TCF12: variants seen among roughly 807,000 people sequenced by gnomAD.
The protein encoded by TCF12 is DNA-binding protein HTF4.
Under a neutral mutation model 86.0 loss-of-function variants are expected in TCF12, and 45 were observed. The ratio of observed to expected loss-of-function variants is 0.52; its 90% CI spans 0.41 to 0.67. The LOEUF (loss-of-function observed/expected upper bound fraction) is 0.67. Ranked by LOEUF, TCF12 falls within the 30% of genes least tolerant of loss-of-function variation. The pLI is 0.00. For synonymous variants in TCF12, 330 were observed against 299.6 expected, an observed-to-expected ratio of 1.10 and a Z score of -1.05; for missense variants, 881 against 859.9, an observed-to-expected ratio of 1.02 and a Z score of -0.31.
At chr15:57,104,087 G>A (rs567333384) in intron 5 of TCF12, among the ~76,000 whole-genome samples, 37 of 152,282 alleles carry the variant, frequency 2.4e-4, no homozygotes, top group African/African-American at 8.9e-4. Context: ...TGGAAAGGCA[G>A]AGTAATGTAT....
chr15:57,257,732 G>T (rs1240691753), intron 16 of TCF12, among the ~76,000 whole-genome samples: 1 of 150,794 alleles, frequency 6.6e-6, no homozygotes, highest in South Asian at 2.1e-4. Context: ...CTCCCAGCCT[G>T]CAGTACGGAC....
At chr15:57,089,967 C>T (rs1309673655) in intron 4 of TCF12, among the ~76,000 whole-genome samples, 3 of 152,132 alleles carry the variant, frequency 2.0e-5, no homozygotes, top group African/African-American at 4.8e-5. Flanking sequence ...GTAATTCCAG[C>T]GCTTTGGGAG....
intron 11 of TCF12, 88 bp downstream of exon 11, chr15:57,232,944 T>C: frequency 1.2e-6 from 1 of 869,014 alleles, no homozygotes; most frequent in Non-Finnish European, 1.5e-6. Flanking sequence ...GTATGTTTTA[T>C]ATATATAAAT....
downstream of TCF12, among the ~76,000 whole-genome samples, chr15:57,290,341 C>CT (rs1555423573): frequency 9.7e-6 from 1 of 103,092 alleles, no homozygotes; most frequent in Non-Finnish European, 2.0e-5. Flanking sequence ...AAAACTGTCT[C>CT]AAAAAAAAAA....
At chr15:57,000,950 T>G (rs746235080) in intron 3 of TCF12, among the ~76,000 whole-genome samples, 12 of 151,814 alleles carry the variant, frequency 7.9e-5, no homozygotes, top group Non-Finnish European at 1.6e-4. Flanking sequence ...TAGAAATAAA[T>G]TTTGCCTTTT....
chr15:57,155,310 A>G (rs1246069426), intron 5 of TCF12, among the ~76,000 whole-genome samples: 1 of 152,184 alleles, frequency 6.6e-6, no homozygotes, highest in African/African-American at 2.4e-5. Context: ...ATGAGTTAAT[A>G]TGTAAGATTT....
chr15:57,030,255 T>C (rs527944785), intron 3 of TCF12, among the ~76,000 whole-genome samples: 1 of 152,276 alleles, frequency 6.6e-6, no homozygotes, highest in East Asian at 1.9e-4. Flanking sequence ...AATTGATTAA[T>C]TGAATCATGG....
intron 18 of TCF12, among the ~76,000 whole-genome samples, chr15:57,267,127 A>G (rs1429831811): frequency 6.6e-6 from 1 of 152,238 alleles, no homozygotes; most frequent in Non-Finnish European, 1.5e-5. Flanking sequence ...TATCAATGAT[A>G]TGTGTATATA....
At chr15:57,201,315 G>C (rs998656874) in intron 8 of TCF12, among the ~76,000 whole-genome samples, 23 of 152,072 alleles carry the variant, frequency 1.5e-4, no homozygotes, top group Non-Finnish European at 3.4e-4. Context: ...GTGTGTACCA[G>C]GTGCTCTGGT....
intron 5 of TCF12, among the ~76,000 whole-genome samples, chr15:57,136,173 C>T (rs1217217734): frequency 6.6e-6 from 1 of 152,146 alleles, no homozygotes; most frequent in Admixed American, 6.5e-5. Context: ...TCTCTGAGCA[C>T]AGTAGATAAA....
chr15:57,025,375 C>T (rs2065764619), intron 3 of TCF12, among the ~76,000 whole-genome samples: 1 of 152,198 alleles, frequency 6.6e-6, no homozygotes, highest in Non-Finnish European at 1.5e-5. Context: ...CCACCGCCCC[C>T]AGCCTGTGCC....
At chr15:56,962,308 TTG>T (rs1327654497) in intron 3 of TCF12, among the ~76,000 whole-genome samples, 1 of 152,206 alleles carries the variant, frequency 6.6e-6, no homozygotes, top group Non-Finnish European at 1.5e-5. Context: ...GGTTTAATTG[TTG>T]TCAGTGCTGC....
At chr15:57,144,001 A>G (rs1313008564) in intron 5 of TCF12, among the ~76,000 whole-genome samples, 2 of 152,142 alleles carry the variant, frequency 1.3e-5, no homozygotes, top group African/African-American at 4.8e-5. Context: ...GATTTCAGAA[A>G]CTGAAATGCC....
intron 16 of TCF12, among the ~76,000 whole-genome samples, chr15:57,259,177 T>A (rs1319418972): frequency 6.6e-6 from 1 of 152,202 alleles, no homozygotes; most frequent in Non-Finnish European, 1.5e-5. Context: ...GCAACTTTTT[T>A]AAAATTTGAA....
At chr15:56,967,306 A>T (rs1316705241) in intron 3 of TCF12, among the ~76,000 whole-genome samples, 1 of 136,340 alleles carries the variant, frequency 7.3e-6, no homozygotes, top group Non-Finnish European at 1.6e-5. Flanking sequence ...AAATACAAAG[A>T]AAAAAAAAAA....
intron 4 of TCF12, among the ~76,000 whole-genome samples, chr15:57,070,976 G>A (rs1261644975): frequency 6.6e-6 from 1 of 152,062 alleles, no homozygotes; most frequent in African/African-American, 2.4e-5. Context: ...TAGGGAGGTT[G>A]GACTTACCCT....
intron 3 of TCF12, among the ~76,000 whole-genome samples, chr15:57,029,418 T>C (rs2066015056): frequency 1.3e-5 from 2 of 152,228 alleles, no homozygotes; most frequent in South Asian, 2.1e-4. Context: ...ATATGCACTT[T>C]AGAATCAGCT....
chr15:57,216,180 A>G (rs2058323592), intron 8 of TCF12, among the ~76,000 whole-genome samples: 1 of 152,146 alleles, frequency 6.6e-6, no homozygotes, highest in Admixed American at 6.5e-5. Context: ...GGTGAAATGC[A>G]ATAATCTTTA....
intron 3 of TCF12, among the ~76,000 whole-genome samples, chr15:56,991,396 T>C (rs1210324513): frequency 6.6e-6 from 1 of 152,232 alleles, no homozygotes; most frequent in Non-Finnish European, 1.5e-5. Context: ...AAGTGGAATA[T>C]TGAATTTGCA....
Sources: allele counts gnomAD v4.1 joint callset (sites outside exome capture counted in the v4.1 genomes callset), GRCh38; gene constraint gnomAD v4.1.1; transcripts MANE v1.5; gene names NCBI Gene and HGNC (gene_info 2026-07-23, HGNC 2026-07-21).